The following FHIP1A variants were observed in gnomAD, a reference collection of about 807,000 sequenced individuals.
FHIP1A encodes FHF complex subunit HOOK interacting protein 1A.
In FHIP1A, 61 loss-of-function variants were observed where a neutral mutation model predicts 88.6. That is an observed-to-expected ratio of 0.69 (90% CI 0.56 to 0.85). The LOEUF (loss-of-function observed/expected upper bound fraction) is 0.85. FHIP1A is among the 40% of genes least tolerant of loss of function. FHIP1A has a pLI of 0.00. For missense variants in FHIP1A, 1,154 were observed against 1,273.5 expected (o/e 0.91, Z 1.43); for synonymous variants, 478 against 496.0 (o/e 0.96, Z 0.48).
intron 7 of FHIP1A, among the ~76,000 whole-genome samples, chr4:151,623,251 T>A (rs1735815720): frequency 1.3e-5 from 2 of 152,170 alleles, no homozygotes; most frequent in Admixed American, 1.3e-4. Context: ...GATGAAAATA[T>A]GTTTTAGGGA....
At chr4:151,644,124 A>G (rs1457860724) in intron 9 of FHIP1A, among the ~76,000 whole-genome samples, 2 of 152,222 alleles carry the variant, frequency 1.3e-5, no homozygotes, top group South Asian at 2.1e-4. Flanking sequence ...TTCTTAAATA[A>G]TTAATGACCA....
chr4:151,645,028 T>C (rs1395344857), intron 9 of FHIP1A, among the ~76,000 whole-genome samples: 1 of 152,230 alleles, frequency 6.6e-6, no homozygotes, highest in African/African-American at 2.4e-5. Context: ...TCCTCATTGC[T>C]AAAGTCCCCA....
intron 3 of FHIP1A, among the ~76,000 whole-genome samples, chr4:151,512,406 CAAAGGAACA>C (rs1731072528): frequency 6.6e-6 from 1 of 152,232 alleles, no homozygotes; most frequent in Non-Finnish European, 1.5e-5. Context: ...GCTCCTCCTC[CAAAGGAACA>C]CAGCTCCTCA....
At chr4:151,571,372 T>G (rs1407725339) in intron 4 of FHIP1A, among the ~76,000 whole-genome samples, 1 of 152,172 alleles carries the variant, frequency 6.6e-6, no homozygotes, top group Non-Finnish European at 1.5e-5. Flanking sequence ...AGAGCTCAAA[T>G]AAAGTAATAG....
intron 1 of FHIP1A, among the ~76,000 whole-genome samples, chr4:151,454,402 A>C (rs766744807): frequency 6.6e-6 from 1 of 152,244 alleles, no homozygotes; most frequent in Admixed American, 6.5e-5. Context: ...AGAACAAGCT[A>C]TGCCAAAATG....
Position 151,577,880 on chromosome 4 carries a change from T to C in FHIP1A, c.536T>C (p.Ile179Thr). The C allele has an allele frequency of 1.3e-6, 2 of 1,551,862 alleles. No homozygotes were observed. Among genetic ancestry groups the C allele is most frequent in the Non-Finnish European group, 1.7e-6 (2 of 1,147,022 alleles). Residue 179 changes from isoleucine (I) to threonine (T), a missense_variant, in exon 5 of 14, where the codon ATT (isoleucine) becomes ACT (threonine). By Grantham distance (89) the Ile-to-Thr change is moderately conservative. Coordinates refer to ENST00000435205, the MANE Select transcript of FHIP1A (RefSeq NM_001109977.3). ...LCSILAKDPS[I>T]LELFFHTSED... ...TCCATTCTTGCCAAAGATCCATCCA[T>C]TTTAGAACTCTTCTTCCACACTAGT...
chr4:151,469,238 T>C (rs1729430020), intron 2 of FHIP1A, among the ~76,000 whole-genome samples: 3 of 152,248 alleles, frequency 2.0e-5, no homozygotes, highest in Admixed American at 2.0e-4. Context: ...GCTTGTCTTG[T>C]CTACTCAGGC....
In FHIP1A at chr4:151,663,521, T is replaced by C. The variant is rs1048666512; in HGVS notation, c.*767T>C. ...AAGTATACCTATGCAAACTATTACT[T>C]TGGTTTTTAGGAGTTTGATCAGATG... On this transcript the variant is annotated 3_prime_UTR_variant, in exon 14 of 14. Coordinates refer to ENST00000435205, the MANE Select transcript of FHIP1A (RefSeq NM_001109977.3). 2.6e-5 allele frequency: 4 copies of C among 152,204 alleles called. No homozygotes were observed. The highest frequency in any genetic ancestry group is 9.7e-5 in the African/African-American group (4 of 41,442). The allele number at this position is 152,204 out of a possible 1,614,324, so 9.4% of individuals were successfully genotyped here.
intron 2 of FHIP1A, among the ~76,000 whole-genome samples, chr4:151,466,241 A>G (rs6856057): frequency 1.4e-3 from 213 of 152,310 alleles, no homozygotes; most frequent in African/African-American, 4.9e-3. Flanking sequence ...ATTGCTACAA[A>G]GAGAATAAAA....
At chr4:151,652,112 G>A (rs1250074529) in intron 11 of FHIP1A, among the ~76,000 whole-genome samples, 1 of 152,084 alleles carries the variant, frequency 6.6e-6, no homozygotes, top group Non-Finnish European at 1.5e-5. Flanking sequence ...TTACAGAGGA[G>A]CTTCATTCCT....
At chr4:151,501,861 C>T (rs1730660734) in intron 3 of FHIP1A, among the ~76,000 whole-genome samples, 1 of 148,704 alleles carries the variant, frequency 6.7e-6, no homozygotes, top group East Asian at 2.0e-4. Flanking sequence ...ACCTGGTTCT[C>T]AACAAAAACT....
chr4:151,503,520 C>G (rs1023960071), intron 3 of FHIP1A, among the ~76,000 whole-genome samples: 3 of 151,742 alleles, frequency 2.0e-5, no homozygotes, highest in African/African-American at 7.3e-5. Flanking sequence ...TAGACAGTGT[C>G]TGGTGAAGGG....
chr4:151,511,543 G>T (rs755756186), intron 3 of FHIP1A, among the ~76,000 whole-genome samples: 2 of 152,246 alleles, frequency 1.3e-5, no homozygotes, highest in Non-Finnish European at 2.9e-5. Context: ...AAAGAAAGGG[G>T]TGACAGACGG....
At chr4:151,619,919 C>T (rs764975673) in intron 7 of FHIP1A, among the ~76,000 whole-genome samples, 2 of 152,124 alleles carry the variant, frequency 1.3e-5, no homozygotes, top group Non-Finnish European at 2.9e-5. Context: ...ATTTACAACT[C>T]ACTAGCCAAA....
At chr4:151,600,176 A>G (rs1004386009) in intron 7 of FHIP1A, among the ~76,000 whole-genome samples, 3 of 152,220 alleles carry the variant, frequency 2.0e-5, no homozygotes, top group African/African-American at 7.2e-5. Context: ...TAGAGCCTCC[A>G]CTATTCGGAA....
chr4:151,516,773 A>G lies in FHIP1A; in HGVS notation c.-123+34125A>G, dbSNP rs1001783468. Among the ~76,000 whole-genome samples the G allele has an allele frequency of 5.5e-4, 83 of 152,062 alleles. No homozygotes were observed. The East Asian group carries it at 0.015, about 28-fold the overall frequency. On this transcript the variant is annotated intron_variant, in intron 3 of 13. Transcript: ENST00000435205. ...TGAGATACCATCTCACACCAGTTAG[A>G]ATGGCAATCATTCAAAAGTCAGGAA... is the stretch of plus-strand genomic sequence containing the variant.
chr4:151,658,233 A>G (rs1737324132), intron 13 of FHIP1A, among the ~76,000 whole-genome samples: 1 of 152,194 alleles, frequency 6.6e-6, no homozygotes, highest in Admixed American at 6.5e-5. Flanking sequence ...CCTGTGAGAG[A>G]AGGTACACCA....
chr4:151,593,495 A>T (rs1734522785), intron 7 of FHIP1A, among the ~76,000 whole-genome samples: 1 of 152,110 alleles, frequency 6.6e-6, no homozygotes, highest in Admixed American at 6.5e-5. Context: ...TGTAACTTGT[A>T]TTCCTAGATA....
chr4:151,502,522 A>G (rs1257914074), intron 3 of FHIP1A, among the ~76,000 whole-genome samples: 1 of 152,210 alleles, frequency 6.6e-6, no homozygotes, highest in East Asian at 1.9e-4. Flanking sequence ...GGTGGAAGAA[A>G]GAATTAGGAA....
Sources: allele counts gnomAD v4.1 joint callset (sites outside exome capture counted in the v4.1 genomes callset), GRCh38; gene constraint gnomAD v4.1.1; transcripts MANE v1.5; gene names NCBI Gene and HGNC (gene_info 2026-07-23, HGNC 2026-07-21).